The following CDH13 variants were observed in gnomAD, a reference collection of about 807,000 sequenced individuals.
CDH13 encodes cadherin-13.
CDH13 carries 24 observed loss-of-function variants against 63.8 expected under a neutral mutation model. The observed-to-expected ratio is 0.38, with a 90% CI of 0.27 to 0.53. The LOEUF (loss-of-function observed/expected upper bound fraction) is 0.53, where lower values mean the gene tolerates loss of function less well. CDH13 is among the 20% of genes least tolerant of loss of function. CDH13 has a pLI of 0.85. For missense variants in CDH13, 1,049 were observed against 903.1 expected, an observed-to-expected ratio of 1.16 and a Z score of -2.07; for synonymous variants, 503 against 355.3, an observed-to-expected ratio of 1.42 and a Z score of -4.67.
At chr16:83,203,258 A>C (rs2039084941) in intron 4 of CDH13, among the ~76,000 whole-genome samples, 1 of 151,932 alleles carries the variant, frequency 6.6e-6, no homozygotes, top group Non-Finnish European at 1.5e-5. Flanking sequence ...CAAACAAACA[A>C]ATTTCCTTTT....
chr16:83,377,626 C>G (rs956808300), intron 6 of CDH13, among the ~76,000 whole-genome samples: 2 of 152,162 alleles, frequency 1.3e-5, no homozygotes, highest in African/African-American at 4.8e-5. Context: ...AAGCAAAAGT[C>G]ATTGAATTGA....
intron 8 of CDH13, among the ~76,000 whole-genome samples, chr16:83,617,014 C>G (rs762217985): frequency 6.6e-6 from 1 of 152,162 alleles, no homozygotes; most frequent in Non-Finnish European, 1.5e-5. Context: ...TATAAATCCC[C>G]CAGGCACTTT....
At chr16:83,061,109 G>C (rs746590887) in intron 3 of CDH13, among the ~76,000 whole-genome samples, 1 of 152,194 alleles carries the variant, frequency 6.6e-6, no homozygotes, top group East Asian at 1.9e-4. Context: ...ATCTAGCCTT[G>C]GTCTCTCTGA....
chr16:83,157,718 C>G (rs935685492), intron 4 of CDH13, among the ~76,000 whole-genome samples: 7 of 145,510 alleles, frequency 4.8e-5, no homozygotes, highest in South Asian at 4.4e-4. Context: ...CAGGGTGAAA[C>G]CCCGTCTCTA....
At chr16:82,820,876 G>T (rs1362927204) in intron 1 of CDH13, among the ~76,000 whole-genome samples, 1 of 151,012 alleles carries the variant, frequency 6.6e-6, no homozygotes, top group Non-Finnish European at 1.5e-5. Flanking sequence ...AAATGTGGTA[G>T]ATTATTTTCA....
chr16:83,129,805 C>G (rs577717588), intron 4 of CDH13, among the ~76,000 whole-genome samples: 2 of 152,226 alleles, frequency 1.3e-5, no homozygotes, highest in Admixed American at 1.3e-4. Flanking sequence ...AAAGCTGACA[C>G]ATAGAGGATG....
At chr16:82,916,239 C>G (rs920342661) in intron 2 of CDH13, among the ~76,000 whole-genome samples, 7 of 152,030 alleles carry the variant, frequency 4.6e-5, no homozygotes, top group Non-Finnish European at 1.0e-4. Flanking sequence ...CTCCCAGGGC[C>G]CAGTGTAGAA....
chr16:82,945,372 G>A (rs578184504), intron 2 of CDH13, among the ~76,000 whole-genome samples: 5 of 152,234 alleles, frequency 3.3e-5, no homozygotes, highest in African/African-American at 1.2e-4. Context: ...CCTCAGTGTA[G>A]GTCTTCAGAA....
intron 10 of CDH13, among the ~76,000 whole-genome samples, chr16:83,714,688 T>C (rs1908625093): frequency 6.6e-6 from 1 of 152,164 alleles, no homozygotes; most frequent in Non-Finnish European, 1.5e-5. Flanking sequence ...TGAATATTCA[T>C]GAGTTAAATG....
chr16:83,765,560 ACAC>A (rs1397866589), intron 11 of CDH13, among the ~76,000 whole-genome samples: 1 of 108,420 alleles, frequency 9.2e-6, no homozygotes, highest in Non-Finnish European at 2.2e-5. Context: ...ATATACACAC[ACAC>A]AAAGAGAGAG....
chr16:83,670,685 T>G, intron 8 of CDH13, 105 bp from the exon 9 acceptor site: 2 of 992,406 alleles, frequency 2.0e-6, no homozygotes. Context: ...ATGTTATTAT[T>G]TATTTTTAAG....
chr16:83,368,892 A>T (rs1208760378), intron 6 of CDH13, among the ~76,000 whole-genome samples: 4 of 18,006 alleles, frequency 2.2e-4, no homozygotes, highest in South Asian at 1.8e-3. Context: ...TGTTATATAT[A>T]TATATATATA....
chr16:82,973,578 A>G (rs1239280677), intron 2 of CDH13, among the ~76,000 whole-genome samples: 1 of 152,216 alleles, frequency 6.6e-6, no homozygotes, highest in African/African-American at 2.4e-5. Context: ...TAGAAATGTA[A>G]ACAAACCAAC....
intron 6 of CDH13, among the ~76,000 whole-genome samples, chr16:83,470,815 C>T (rs1332984443): frequency 6.6e-6 from 1 of 152,214 alleles, no homozygotes; most frequent in African/African-American, 2.4e-5. Context: ...TGAATTGCTA[C>T]ATATTTATGG....
chr16:83,085,024 G>C (rs7204029), intron 3 of CDH13, among the ~76,000 whole-genome samples: 72,367 of 152,054 alleles, frequency 0.48, 17,500 homozygotes, highest in East Asian at 0.68. Context: ...CTTCATCTCA[G>C]CATCCTTAAT....
intron 1 of CDH13, among the ~76,000 whole-genome samples, chr16:82,809,461 G>C (rs1369406745): frequency 6.6e-6 from 1 of 152,108 alleles, no homozygotes; most frequent in Non-Finnish European, 1.5e-5. Context: ...TTATCATTAA[G>C]AATTCGCTCA....
At chr16:83,277,689 C>G (rs1034899044) in intron 5 of CDH13, among the ~76,000 whole-genome samples, 1 of 152,062 alleles carries the variant, frequency 6.6e-6, no homozygotes, top group African/African-American at 2.4e-5. Context: ...GAGAATCCAG[C>G]GGATTCCCTT....
At chr16:83,539,271 A>T (rs1275068536) in intron 7 of CDH13, among the ~76,000 whole-genome samples, 1 of 152,080 alleles carries the variant, frequency 6.6e-6, no homozygotes, top group East Asian at 1.9e-4. Context: ...TGCAACCTAG[A>T]TCCCTCACAC....
intron 6 of CDH13, among the ~76,000 whole-genome samples, chr16:83,388,567 A>G (rs2091724068): frequency 6.6e-6 from 1 of 152,146 alleles, no homozygotes; most frequent in Non-Finnish European, 1.5e-5. Flanking sequence ...GGATCATGGC[A>G]GCTACAGTCC....
Sources: allele counts gnomAD v4.1 joint callset (sites outside exome capture counted in the v4.1 genomes callset), GRCh38; gene constraint gnomAD v4.1.1; transcripts MANE v1.5; gene names NCBI Gene and HGNC (gene_info 2026-07-23, HGNC 2026-07-21).